PCDHGC3: variants seen among roughly 807,000 people sequenced by gnomAD.
PCDHGC3 encodes protocadherin gamma subfamily C, 3.
In PCDHGC3, 26 loss-of-function variants were observed where a neutral mutation model predicts 59.2. That is an observed-to-expected ratio of 0.44 (90% CI 0.32 to 0.61). The LOEUF (loss-of-function observed/expected upper bound fraction) is 0.61. Ranked by LOEUF, PCDHGC3 falls within the 20% of genes least tolerant of loss-of-function variation. The pLI is 0.05. For missense variants in PCDHGC3, 1,080 were observed against 1,221.8 expected, an observed-to-expected ratio of 0.88 and a Z score of 1.73; for synonymous variants, 487 against 519.7, an observed-to-expected ratio of 0.94 and a Z score of 0.86.
In PCDHGC3 at chr5:141,476,235, A is replaced by G; in HGVS notation, c.119A>G (p.Glu40Gly). ...STVIHYEIPE[E>G]REKGFAVGNV... ...GTCATTCACTATGAGATCCCGGAGG[A>G]AAGAGAGAAGGGTTTCGCTGTGGGC... is the stretch of plus-strand genomic sequence containing the variant. Residue 40 changes from glutamate to glycine, a missense_variant, in exon 1 of 4, where the codon GAA (glutamate) becomes GGA (glycine). By Grantham distance (98) the Glu-to-Gly change is moderately conservative (BLOSUM62 -2). Coordinates refer to ENST00000308177, the MANE Select transcript of PCDHGC3 (RefSeq NM_002588.4). The surrounding 1 kb of genome is among the most constrained non-coding windows in gnomAD (Gnocchi z 7.6). 2 of 1,613,844 alleles carry G rather than the reference A, an allele frequency of 1.2e-6. No homozygotes were observed. Among genetic ancestry groups the G allele is most frequent in the Admixed American group, 1.7e-5 (1 of 59,990 alleles).
At position 141,490,406 on chromosome 5, in the gene PCDHGC3, T is replaced by G; in HGVS notation, c.2431-4401T>G. On this transcript the variant is annotated intron_variant, in intron 1 of 3. Transcript: ENST00000308177. This position sits in a 1 kb window ranked among gnomAD's most constrained non-coding sequence, Gnocchi z 5.4. ...AGAAATGGTGAAGTGAGCCTTGATA[T>G]CTCTCCGGACCTGCCATTTCAGATT... is the stretch of plus-strand genomic sequence containing the variant. The G allele has an allele frequency of 1.9e-6, 3 of 1,614,112 alleles. No individual in the cohort carries two copies. Among genetic ancestry groups the G allele is most frequent in the Non-Finnish European group, 2.5e-6 (3 of 1,180,020 alleles).
Position 141,490,122 on chromosome 5 carries a change from C to T in PCDHGC3, c.2431-4685C>T. 3 of 1,614,260 alleles carry T rather than the reference C, an allele frequency of 1.9e-6. No homozygotes were observed. The highest frequency in any genetic ancestry group is 2.5e-6 in the Non-Finnish European group (3 of 1,180,046). On this transcript the variant is annotated intron_variant, in intron 1 of 3. Coordinates refer to ENST00000308177, the MANE Select transcript of PCDHGC3 (RefSeq NM_002588.4). The surrounding 1 kb of genome is among the most constrained non-coding windows in gnomAD (Gnocchi z 5.4). ...CTGAGGCAGTGCGGAACCTCTTTGG[C>T]CTAGACCCTAGCAGTGGGGCAATCC... is the stretch of plus-strand genomic sequence containing the variant.
chr5:141,489,042 A>T lies in PCDHGC3; in HGVS notation c.2431-5765A>T. On this transcript the variant is annotated intron_variant, in intron 1 of 3. Coordinates refer to ENST00000308177, the MANE Select transcript of PCDHGC3 (RefSeq NM_002588.4). This position sits in a 1 kb window ranked among gnomAD's most constrained non-coding sequence, Gnocchi z 4.5. ...TCTCCTCCTCCAGCTCCCCAGCTCCACTCAAATTCAGCTCCCCTCCCCCCT... is the reference window on the plus strand; with the variant it reads ...TCTCCTCCTCCAGCTCCCCAGCTCCTCTCAAATTCAGCTCCCCTCCCCCCT... The T allele has an allele frequency of 4.2e-6, 2 of 473,800 alleles. No individual in the cohort carries two copies. The highest frequency in any genetic ancestry group is 3.7e-6 in the Non-Finnish European group (1 of 270,920). 29.3% of individuals were successfully genotyped at this position (473,800 alleles called of 1,614,324 possible).
chr5:141,496,276 G>C (rs1189269883), intron 2 of PCDHGC3, among the ~76,000 whole-genome samples: 1 of 152,204 alleles, frequency 6.6e-6, no homozygotes, highest in Admixed American at 6.5e-5. Flanking sequence ...AAGACCTTCA[G>C]TTGGTCTGAG....
chr5:141,487,361 A>C lies in PCDHGC3; in HGVS notation c.2431-7446A>C. On this transcript the variant is annotated intron_variant, in intron 1 of 3. Transcript: ENST00000308177. This position sits in a 1 kb window ranked among gnomAD's most constrained non-coding sequence, Gnocchi z 5.0. ...TGGAGTCACATGCTTTCCTGCTGGC[A>C]CCTGTGCCTGTCTCACCAGATCTCG... The C allele has an allele frequency of 1.2e-6, 2 of 1,613,834 alleles. No individual in the cohort carries two copies. Among genetic ancestry groups the C allele is most frequent in the East Asian group, 2.2e-5 (1 of 44,860 alleles).
rs778589637 is a variant in PCDHGC3 at position 141,487,133 on chromosome 5, C to T, written c.2431-7674C>T. On this transcript the variant is annotated intron_variant, in intron 1 of 3. Coordinates refer to ENST00000308177, the MANE Select transcript of PCDHGC3 (RefSeq NM_002588.4). The surrounding 1 kb of genome is among the most constrained non-coding windows in gnomAD (Gnocchi z 5.0). ...TGTGGTAAAGGATAGTGGTAGTCCA[C>T]CACTCTCTACCTCTGTTACTCTCTT... 8.7e-6 allele frequency: 14 copies of T among 1,613,932 alleles called. No homozygotes were observed. In the South Asian group the frequency reaches 1.5e-4, roughly 18 times the overall value.
At chr5:141,492,834 G>A (rs544218873) in intron 1 of PCDHGC3, among the ~76,000 whole-genome samples, 7 of 152,214 alleles carry the variant, frequency 4.6e-5, no homozygotes, top group African/African-American at 1.7e-4. Context: ...CCTTCCTCCC[G>A]CAGGAAGTGA....
chr5:141,492,616 G>C (rs976681246), intron 1 of PCDHGC3, among the ~76,000 whole-genome samples: 2 of 152,252 alleles, frequency 1.3e-5, no homozygotes, highest in African/African-American at 4.8e-5. Context: ...CTAAGTGCCG[G>C]GCGGGCAGGA....
chr5:141,486,498 T>C lies in PCDHGC3; in HGVS notation c.2430+7952T>C, dbSNP rs755907391. On this transcript the variant is annotated intron_variant, in intron 1 of 3. Coordinates refer to ENST00000308177, the MANE Select transcript of PCDHGC3 (RefSeq NM_002588.4). The surrounding 1 kb of genome is among the most constrained non-coding windows in gnomAD (Gnocchi z 5.0). The stretch of plus-strand genomic sequence containing the variant: ...CCTCTCAGTACCCACAGAACTATTT[T>C]CCTCAATATTTCAGATGTGAATGAT... 6.2e-7 allele frequency: 1 copy of C among 1,614,030 alleles called. No individual in the cohort carries two copies. The highest frequency in any genetic ancestry group is 8.5e-7 in the Non-Finnish European group (1 of 1,179,874).
At chr5:141,483,291 A>T (rs767446911) in intron 1 of PCDHGC3, among the ~76,000 whole-genome samples, 4 of 152,126 alleles carry the variant, frequency 2.6e-5, no homozygotes, top group African/African-American at 4.8e-5. Flanking sequence ...TGTCAGTCAT[A>T]AGTGAAGGGA....
At chr5:141,504,990 C>T (rs1056476591) in intron 2 of PCDHGC3, among the ~76,000 whole-genome samples, 3 of 151,976 alleles carry the variant, frequency 2.0e-5, no homozygotes, top group Non-Finnish European at 2.9e-5. Context: ...GGTGAAACCC[C>T]GTCTGTACTA....
intron 2 of PCDHGC3, among the ~76,000 whole-genome samples, chr5:141,501,136 G>A (rs909142955): frequency 6.6e-6 from 1 of 152,090 alleles, no homozygotes; most frequent in Non-Finnish European, 1.5e-5. Context: ...CTAAGTGCTG[G>A]GATTACAGGT....
chr5:141,501,288 TATACACAC>T (rs1482707793), intron 2 of PCDHGC3, among the ~76,000 whole-genome samples: 1 of 81,228 alleles, frequency 1.2e-5, no homozygotes, highest in African/African-American at 4.9e-5. Flanking sequence ...GATATTCCCT[TATACACAC>T]ACACACACAC....
intron 1 of PCDHGC3, chr5:141,484,889 T>C (rs2099602721): frequency 2.8e-6 from 1 of 363,070 alleles, no homozygotes. Flanking sequence ...GTGGGCTTTT[T>C]CCCCTCCAAT....
Position 141,493,404 on chromosome 5 carries a change from C to T in PCDHGC3, c.2431-1403C>T, listed in dbSNP as rs2099748048. Among the ~76,000 whole-genome samples, 1 of 152,148 alleles carries T rather than the reference C, an allele frequency of 6.6e-6. No individual in the cohort carries two copies. Among genetic ancestry groups the T allele is most frequent in the South Asian group, 2.1e-4 (1 of 4,826 alleles). ...CTTGAGGACAGGAGAGGGGAGTTGC[C>T]TCTGCTGGGATTTTGCTTCTGCTGG... On this transcript the variant is annotated intron_variant, in intron 1 of 3. Transcript: ENST00000308177. The surrounding 1 kb of genome is among the most constrained non-coding windows in gnomAD (Gnocchi z 4.3).
At position 141,476,760 on chromosome 5, in the gene PCDHGC3, C is replaced by A; in HGVS notation, c.644C>A (p.Thr215Lys). The A allele has an allele frequency of 6.2e-7, 1 of 1,613,824 alleles. No homozygotes were observed. Among genetic ancestry groups the A allele is most frequent in the Non-Finnish European group, 8.5e-7 (1 of 1,180,010 alleles). The change falls in exon 1 of 4, where the codon ACG becomes AAG. Residue 215 changes from threonine to lysine, a missense_variant. Coordinates refer to ENST00000308177, the MANE Select transcript of PCDHGC3 (RefSeq NM_002588.4). This position sits in a 1 kb window ranked among gnomAD's most constrained non-coding sequence, Gnocchi z 7.6. ...EREPSLQLVL[T>K]ALDGGTPALS... ...GAGCCTAGTCTCCAGTTAGTGCTGA[C>A]GGCGTTGGACGGAGGGACCCCAGCT...
chr5:141,504,010 C>G (rs980812107), intron 2 of PCDHGC3, among the ~76,000 whole-genome samples: 9 of 152,204 alleles, frequency 5.9e-5, no homozygotes, highest in African/African-American at 1.2e-4. Context: ...TTAACTGTCT[C>G]TGCTGGTCTC....
rs148995268 is a variant in PCDHGC3, at chr5:141,486,253, C to T, written c.2430+7707C>T. On this transcript the variant is annotated intron_variant, in intron 1 of 3. Coordinates refer to ENST00000308177, the MANE Select transcript of PCDHGC3 (RefSeq NM_002588.4). The surrounding 1 kb of genome is among the most constrained non-coding windows in gnomAD (Gnocchi z 5.0). The stretch of plus-strand genomic sequence containing the variant: ...TGACCTCAGAGCTTGGAACCCTCCC[C>T]GAGAGTGCAGAACCTGGCACTGTGG... 8 of 1,614,020 alleles carry T rather than the reference C, an allele frequency of 5.0e-6. No individual in the cohort carries two copies. The African/African-American group carries it at 8.0e-5, about 16-fold the overall frequency.
chr5:141,491,438 G>T lies in PCDHGC3; in HGVS notation c.2431-3369G>T, dbSNP rs376927300. 3.7e-6 allele frequency: 6 copies of T among 1,613,948 alleles called. No homozygotes were observed. The African/African-American group carries it at 4.0e-5, about 11-fold the overall frequency. ...GGGGGTGGAGGGCAGTGCTGCAGGCGCCAGGACTCACCCTCCCCGGACTTC... is the reference window on the plus strand; with the variant it reads ...GGGGGTGGAGGGCAGTGCTGCAGGCTCCAGGACTCACCCTCCCCGGACTTC... On this transcript the variant is annotated intron_variant, in intron 1 of 3. Transcript: ENST00000308177. The surrounding 1 kb of genome is among the most constrained non-coding windows in gnomAD (Gnocchi z 6.9).
Sources: gnomAD v4.1 joint callset for allele counts (sites outside exome capture counted in the v4.1 genomes callset) on GRCh38, gnomAD v4.1.1 for gene constraint, Gnocchi (gnomAD v3.1) non-coding constraint, MANE v1.5 for transcripts, NCBI Gene and HGNC (gene_info 2026-07-23, HGNC 2026-07-21) for gene names.